SH3GL2: variants seen among roughly 807,000 people sequenced by gnomAD.
SH3GL2 encodes the protein SH3 domain containing GRB2 like 2, endophilin A1.
A neutral mutation model predicts 46.0 loss-of-function variants in SH3GL2; 24 were observed. The observed-to-expected ratio is 0.52, with a 90% CI of 0.38 to 0.73. SH3GL2 has a LOEUF of 0.73. Ranked by LOEUF, SH3GL2 falls within the 30% of genes least tolerant of loss-of-function variation. SH3GL2 has a pLI of 0.00. For missense variants in SH3GL2, 413 were observed against 424.2 expected (o/e 0.97, Z 0.23); for synonymous variants, 196 against 147.1 (o/e 1.33, Z -2.40).
Position 17,761,502 on chromosome 9 carries a change from C to G in SH3GL2, c.180C>G (p.Pro60=), listed in dbSNP as rs757220235. ...IMTKTIEYLQ[P]NPASRAKLSM... ...CTAAAACAATTGAATACCTTCAACCCAATCCAGGTAAGGCATCATCTTATA... is the reference window on the plus strand; with the variant it reads ...CTAAAACAATTGAATACCTTCAACCGAATCCAGGTAAGGCATCATCTTATA... The change falls in exon 3 of 9, where the codon CCC becomes CCG. Residue 60 remains proline (P), a synonymous_variant. Transcript: ENST00000380607. 3.8e-6 allele frequency: 6 copies of G among 1,579,398 alleles called. No homozygotes were observed. Among genetic ancestry groups the G allele is most frequent in the East Asian group, 2.2e-5 (1 of 44,700 alleles).
chr9:17,658,914 T>G (rs1820151626), intron 1 of SH3GL2, among the ~76,000 whole-genome samples: 1 of 152,220 alleles, frequency 6.6e-6, no homozygotes, highest in Non-Finnish European at 1.5e-5. Context: ...AGGACCTGCT[T>G]GAAGTGCAGG....
At chr9:17,615,707 A>T (rs1818978024) in intron 1 of SH3GL2, among the ~76,000 whole-genome samples, 1 of 146,886 alleles carries the variant, frequency 6.8e-6, no homozygotes, top group East Asian at 2.0e-4. Flanking sequence ...ATATGTGTTT[A>T]TTGTTAAAAA....
chr9:17,607,254 G>C (rs1377048731), intron 1 of SH3GL2, among the ~76,000 whole-genome samples: 2 of 152,162 alleles, frequency 1.3e-5, no homozygotes, highest in Non-Finnish European at 2.9e-5. Context: ...ATTGCTCCAA[G>C]GTAATGAACC....
At chr9:17,696,816 C>T (rs964029368) in intron 1 of SH3GL2, among the ~76,000 whole-genome samples, 23 of 151,926 alleles carry the variant, frequency 1.5e-4, no homozygotes, top group Admixed American at 3.9e-4. Flanking sequence ...TTCCTTTTTT[C>T]GATTTTTCAT....
At chr9:17,681,947 C>T (rs1476440016) in intron 1 of SH3GL2, among the ~76,000 whole-genome samples, 1 of 151,964 alleles carries the variant, frequency 6.6e-6, no homozygotes, top group Non-Finnish European at 1.5e-5. Flanking sequence ...AAAAAAAGCT[C>T]AACATCACTG....
intron 1 of SH3GL2, among the ~76,000 whole-genome samples, chr9:17,677,541 C>T (rs945280019): frequency 1.3e-5 from 2 of 151,912 alleles, no homozygotes; most frequent in African/African-American, 4.8e-5. Context: ...TTTTTTTAAA[C>T]TCATGTTTTC....
chr9:17,754,613 C>A (rs1822937767), intron 2 of SH3GL2, among the ~76,000 whole-genome samples: 1 of 152,118 alleles, frequency 6.6e-6, no homozygotes, highest in Non-Finnish European at 1.5e-5. Context: ...GTGGAGCTTG[C>A]AGTGAGCCGA....
At chr9:17,730,738 G>C (rs999764992) in intron 1 of SH3GL2, among the ~76,000 whole-genome samples, 3 of 151,910 alleles carry the variant, frequency 2.0e-5, no homozygotes, top group Non-Finnish European at 4.4e-5. Context: ...TAAATAACAG[G>C]TCAAACATGA....
chr9:17,627,379 C>T (rs780381072), intron 1 of SH3GL2, among the ~76,000 whole-genome samples: 3 of 152,156 alleles, frequency 2.0e-5, no homozygotes, highest in East Asian at 1.9e-4. Context: ...GATCCCTAAC[C>T]GCTTTGCTGG....
chr9:17,732,735 C>G (rs928309777), intron 1 of SH3GL2, among the ~76,000 whole-genome samples: 1 of 152,070 alleles, frequency 6.6e-6, no homozygotes, highest in African/African-American at 2.4e-5. Flanking sequence ...GACAGTAAAA[C>G]CTAATTGATT....
chr9:17,757,398 G>T (rs1329180452), intron 2 of SH3GL2, among the ~76,000 whole-genome samples: 1 of 152,146 alleles, frequency 6.6e-6, no homozygotes, highest in Non-Finnish European at 1.5e-5. Context: ...GAAAATTTTT[G>T]CAATCTATTC....
intron 2 of SH3GL2, among the ~76,000 whole-genome samples, chr9:17,754,728 T>C (rs1444926535): frequency 6.6e-6 from 1 of 152,082 alleles, no homozygotes; most frequent in Non-Finnish European, 1.5e-5. Flanking sequence ...TATTCCTAGG[T>C]ATTTTATTAT....
At chr9:17,730,958 C>A (rs1267945389) in intron 1 of SH3GL2, among the ~76,000 whole-genome samples, 1 of 151,998 alleles carries the variant, frequency 6.6e-6, no homozygotes, top group East Asian at 1.9e-4. Flanking sequence ...ACTTAGAGAA[C>A]GGGATGTTTT....
intron 1 of SH3GL2, among the ~76,000 whole-genome samples, chr9:17,738,949 A>G (rs1412686982): frequency 7.2e-5 from 11 of 152,142 alleles, no homozygotes. Flanking sequence ...CAGCTATTGC[A>G]TTAGTTTGAT....
At chr9:17,791,899 C>T (rs945191064) in intron 7 of SH3GL2, among the ~76,000 whole-genome samples, 5 of 152,218 alleles carry the variant, frequency 3.3e-5, no homozygotes, top group African/African-American at 1.2e-4. Flanking sequence ...ATGTACCTCA[C>T]AGCAGGGCTG....
At chr9:17,709,979 A>G (rs1193760974) in intron 1 of SH3GL2, among the ~76,000 whole-genome samples, 2 of 151,900 alleles carry the variant, frequency 1.3e-5, no homozygotes, top group Non-Finnish European at 2.9e-5. Context: ...CTATAAGTAC[A>G]AAGTGCTTTG....
chr9:17,784,088 T>G (rs2131182613), intron 3 of SH3GL2, among the ~76,000 whole-genome samples: 1 of 152,302 alleles, frequency 6.6e-6, no homozygotes, highest in South Asian at 2.1e-4. Flanking sequence ...GTGAATGAAC[T>G]TAAAAGCTAG....
chr9:17,672,826 G>GTGC (rs1820507158), intron 1 of SH3GL2, among the ~76,000 whole-genome samples: 1 of 152,188 alleles, frequency 6.6e-6, no homozygotes, highest in South Asian at 2.1e-4. Flanking sequence ...TTTAACTCTT[G>GTGC]TGCTTATATG....
chr9:17,674,409 G>T (rs1198955691), intron 1 of SH3GL2, among the ~76,000 whole-genome samples: 1 of 152,116 alleles, frequency 6.6e-6, no homozygotes, highest in Non-Finnish European at 1.5e-5. Context: ...TGGGACTACA[G>T]GTGTGGCCCA....
Sources: gnomAD v4.1 joint callset for allele counts (sites outside exome capture counted in the v4.1 genomes callset) on GRCh38, gnomAD v4.1.1 for gene constraint, MANE v1.5 for transcripts, NCBI Gene and HGNC (gene_info 2026-07-23, HGNC 2026-07-21) for gene names.